The following TEX15 variants were observed in gnomAD, a reference collection of about 807,000 sequenced individuals.
TEX15 encodes testis expressed 15, meiosis and synapsis associated.
Under a neutral mutation model 237.3 loss-of-function variants are expected in TEX15, and 171 were observed. The ratio of observed to expected loss-of-function variants is 0.72; its 90% CI spans 0.64 to 0.82. The LOEUF (loss-of-function observed/expected upper bound fraction) is 0.82, where lower values mean the gene tolerates loss of function less well. Ranked by LOEUF, TEX15 falls within the 40% of genes least tolerant of loss-of-function variation. The pLI is 0.00. For missense variants in TEX15, 3,750 were observed against 3,646.5 expected, an observed-to-expected ratio of 1.03 and a Z score of -0.73; for synonymous variants, 1,338 against 1,269.8, an observed-to-expected ratio of 1.05 and a Z score of -1.14.
At chr8:30,881,568 C>T (rs1808521026) in intron 3 of TEX15, among the ~76,000 whole-genome samples, 1 of 150,660 alleles carries the variant, frequency 6.6e-6, no homozygotes. Context: ...TCCAAACAAC[C>T]ATCTTTTTGT....
intron 3 of TEX15, among the ~76,000 whole-genome samples, chr8:30,878,321 T>G (rs942122779): frequency 6.6e-6 from 1 of 152,130 alleles, no homozygotes; most frequent in Non-Finnish European, 1.5e-5. Flanking sequence ...CATCATTTTT[T>G]GTTTGCCAGA....
chr8:30,849,467 G>C (rs1585287034), intron 7 of TEX15, among the ~76,000 whole-genome samples, 151 bp from the exon 8 acceptor site: 2 of 152,306 alleles, frequency 1.3e-5, no homozygotes, highest in Admixed American at 1.3e-4. Context: ...AAAGCAAAGA[G>C]AGAAGGGGAT....
At chr8:30,866,131 C>T (rs1808157046) in intron 5 of TEX15, among the ~76,000 whole-genome samples, 1 of 151,960 alleles carries the variant, frequency 6.6e-6, no homozygotes, top group Non-Finnish European at 1.5e-5. Flanking sequence ...AGTAGTATTT[C>T]TATATGATAA....
rs754015836 is a variant in TEX15, at chr8:30,846,455, A to G, written c.3712T>C (p.Ser1238Pro). 51 of 1,613,202 alleles carry G rather than the reference A, an allele frequency of 3.2e-5. No homozygotes were observed. Among genetic ancestry groups the G allele is most frequent in the Non-Finnish European group, 4.2e-5 (50 of 1,179,730 alleles). The change falls in exon 8 of 11, where the codon TCC (serine) becomes CCC (proline). Residue 1238 changes from serine (S) to proline (P), a missense_variant. Physicochemically the swap from Ser to Pro is moderately conservative, Grantham distance 74. Coordinates refer to ENST00000643185, the MANE Select transcript of TEX15 (RefSeq NM_001350162.2). Reference protein sequence around the residue: ...ESGPVSNSEISLSFDLSRNTD... With the variant: ...ESGPVSNSEIPLSFDLSRNTD... ...TTACGACTCAAGTCAAAAGAAAGGG[A>G]GATTTCAGAGTTACTCACTGGCCCT...
At chr8:30,898,112 G>A (rs1808939424) in intron 2 of TEX15, among the ~76,000 whole-genome samples, 1 of 152,158 alleles carries the variant, frequency 6.6e-6, no homozygotes. Flanking sequence ...GGTCAATTAT[G>A]TACGGGACAA....
chr8:30,884,085 A>G (rs530771374), intron 3 of TEX15, among the ~76,000 whole-genome samples: 20 of 152,280 alleles, frequency 1.3e-4, no homozygotes, highest in African/African-American at 4.6e-4. Context: ...GCTATGTTGC[A>G]CAGGCTGGTC....
chr8:30,910,189 T>A (rs909225305), intron 1 of TEX15, among the ~76,000 whole-genome samples: 17 of 152,114 alleles, frequency 1.1e-4, no homozygotes, highest in African/African-American at 4.1e-4. Context: ...AAAAAAAACT[T>A]TAAAGTGCTC....
intron 3 of TEX15, among the ~76,000 whole-genome samples, chr8:30,884,676 G>A (rs1241918489): frequency 1.3e-5 from 2 of 152,046 alleles, no homozygotes; most frequent in African/African-American, 4.8e-5. Flanking sequence ...CTGTAGTGAT[G>A]TCCTCTCTTG....
chr8:30,877,005 T>C (rs1445471537), intron 3 of TEX15, among the ~76,000 whole-genome samples: 3 of 152,180 alleles, frequency 2.0e-5, no homozygotes, highest in Non-Finnish European at 2.9e-5. Flanking sequence ...TTGCTTACCC[T>C]TCTGCCATGA....
At chr8:30,907,292 T>C (rs1809122512) in intron 1 of TEX15, among the ~76,000 whole-genome samples, 1 of 152,040 alleles carries the variant, frequency 6.6e-6, no homozygotes, top group Non-Finnish European at 1.5e-5. Context: ...AGTACTCCAG[T>C]TTATTTCTCC....
intron 6 of TEX15, 134 bp downstream of exon 6, chr8:30,859,777 G>A (rs956802953): frequency 1.5e-6 from 1 of 658,820 alleles, no homozygotes; most frequent in African/African-American, 1.9e-5. Context: ...TATTAAAATA[G>A]CTTTCACTGT....
Position 30,836,219 on chromosome 8 carries a change from T to TTG in TEX15, c.9481+583_9481+584insCA, listed in dbSNP as rs1241485268. Among the ~76,000 whole-genome samples, 252 of 132,090 alleles carry TTG rather than the reference T, an allele frequency of 1.9e-3. 1 individual carries two copies. The highest frequency in any genetic ancestry group is 3.7e-3 in the Middle Eastern group (1 of 268). 86.7% of individuals were successfully genotyped at this position (132,090 alleles called of 152,430 possible). A position where few individuals can be genotyped will look rare whatever the true frequency, so the allele number is the denominator to read the frequency against. ...TTCACTGTATCGTTTTTTTTTTTTT[T>TTG]TTTTTTTTTTTTTGAGGTCGAGTCT... is the stretch of plus-strand genomic sequence containing the variant. On this transcript the variant is annotated intron_variant, in intron 10 of 10. Transcript: ENST00000643185.
At position 30,848,665 on chromosome 8, in the gene TEX15, G is replaced by A. The variant is rs1250737430; in HGVS notation, c.1502C>T (p.Thr501Ile). 2 of 1,614,184 alleles carry A rather than the reference G, an allele frequency of 1.2e-6. No individual in the cohort carries two copies. The highest frequency in any genetic ancestry group is 1.7e-6 in the Non-Finnish European group (2 of 1,180,024). ...TNGLDTPCFKTSVNDSQSWAH... is the reference protein window; with the variant it reads ...TNGLDTPCFKISVNDSQSWAH... Reference sequence around the variant, plus strand: ...CCAAGATTGTGAATCATTAACAGAAGTTTTAAAGCAAGGGGTATCCAAACC... The same window carrying A: ...CCAAGATTGTGAATCATTAACAGAAATTTTAAAGCAAGGGGTATCCAAACC... The change falls in exon 8 of 11, where the codon ACT (threonine) becomes ATT (isoleucine). Residue 501 changes from threonine (T) to isoleucine (I), a missense_variant. Physicochemically the swap from Thr to Ile is moderately conservative, Grantham distance 89. Transcript: ENST00000643185.
chr8:30,865,515 A>C (rs951160939), intron 5 of TEX15, among the ~76,000 whole-genome samples: 2 of 152,172 alleles, frequency 1.3e-5, no homozygotes, highest in African/African-American at 4.8e-5. Flanking sequence ...GCTATGGGCC[A>C]ATACCCCTGA....
chr8:30,846,323 A>C lies in TEX15; in HGVS notation c.3844T>G (p.Ser1282Ala). 1 of 1,612,686 alleles carries C rather than the reference A, an allele frequency of 6.2e-7. No homozygotes were observed. The highest frequency in any genetic ancestry group is 1.1e-5 in the South Asian group (1 of 90,944). The change falls in exon 8 of 11, where the codon TCA (serine) becomes GCA (alanine). Residue 1282 changes from serine to alanine, a missense_variant. Ser to Ala is a moderately conservative substitution (Grantham distance 99). Coordinates refer to ENST00000643185, the MANE Select transcript of TEX15 (RefSeq NM_001350162.2). ...TTGGTATCATTATAGTCAGTTTTTG[A>C]TTTTGTAAAGAAACATCTGCTTCCA... ...DDGSRCFFTK[S>A]KTDYNDTKNK...
Position 30,842,853 on chromosome 8 carries a change from C to T in TEX15, c.7314G>A (p.Lys2438=). ...CAATATACATTTCAATAGCTTCAGG[C>T]TTTAAAATGATAGCCTCATGGCTGT... ...INHSHEAIIL[K]PEAIEMYIEI... The change falls in exon 8 of 11, where the codon AAG becomes AAA. Residue 2438 remains lysine (K), a synonymous_variant. Coordinates refer to ENST00000643185, the MANE Select transcript of TEX15 (RefSeq NM_001350162.2). 6.2e-7 allele frequency: 1 copy of T among 1,612,202 alleles called. No individual in the cohort carries two copies. Among genetic ancestry groups the T allele is most frequent in the East Asian group, 2.2e-5 (1 of 44,792 alleles).
At chr8:30,865,917 A>G (rs1808153481) in intron 5 of TEX15, among the ~76,000 whole-genome samples, 1 of 152,174 alleles carries the variant, frequency 6.6e-6, no homozygotes, top group East Asian at 1.9e-4. Context: ...TTTCTATTCA[A>G]TGTAGTTCTA....
chr8:30,875,001 A>AT lies in TEX15; in HGVS notation c.237dup (p.Trp80MetfsTer12), dbSNP rs1284283453. 2.9e-6 allele frequency: 4 copies of AT among 1,393,412 alleles called. No homozygotes were observed. The highest frequency in any genetic ancestry group is 3.7e-6 in the Non-Finnish European group (4 of 1,073,178). The allele number at this position is 1,393,412 out of a possible 1,614,324, so 86.3% of individuals were successfully genotyped here. On this transcript the variant is annotated frameshift_variant, in exon 4 of 11. Transcript: ENST00000643185. LOFTEE classifies it high-confidence loss of function. ...ACCAGTTTTGTATCCCCAAACTGCC[A>AT]TAACGACTGCAGATCACAGTTTACA...
At chr8:30,838,750 GTGTA>G (rs1237485391) in intron 9 of TEX15, among the ~76,000 whole-genome samples, 8 of 131,288 alleles carry the variant, frequency 6.1e-5, no homozygotes, top group Non-Finnish European at 1.1e-4. Context: ...ACATATGTAT[GTGTA>G]TGTGTGTATA....
Sources: allele counts gnomAD v4.1 joint callset (sites outside exome capture counted in the v4.1 genomes callset), GRCh38; gene constraint gnomAD v4.1.1; transcripts MANE v1.5; gene names NCBI Gene and HGNC (gene_info 2026-07-23, HGNC 2026-07-21).